The following THBS4 variants were observed in gnomAD, a reference collection of about 807,000 sequenced individuals.
THBS4 encodes thrombospondin 4, also known as thrombospondin-4.
THBS4 carries 90 observed loss-of-function variants against 115.7 expected under a neutral mutation model. That is an observed-to-expected ratio of 0.78 (90% confidence interval 0.66 to 0.93). The LOEUF (loss-of-function observed/expected upper bound fraction) is 0.93, where lower values mean the gene tolerates loss of function less well. Among genes scored for constraint, THBS4 ranks in the 40% least tolerant of loss-of-function variants. THBS4 has a pLI of 0.00. For synonymous variants in THBS4, 460 were observed against 479.3 expected (o/e 0.96, Z 0.53); for missense variants, 1,087 against 1,232.7 (o/e 0.88, Z 1.77).
chr5:80,066,098 A>AAG (rs1245387644), intron 9 of THBS4, among the ~76,000 whole-genome samples: 2 of 151,254 alleles, frequency 1.3e-5, no homozygotes, highest in African/African-American at 4.8e-5. Context: ...CCCTCTCAAA[A>AAG]AAAAAAAAAA....
chr5:80,058,213 T>G lies in THBS4; in HGVS notation c.548T>G (p.Leu183Trp). Residue 183 changes from leucine to tryptophan, a missense_variant, in exon 4 of 22, where the codon TTG (leucine) becomes TGG (tryptophan). By Grantham distance (61) the Leu-to-Trp change is moderately conservative. This residue lies in a region of THBS4 where 979 missense variants were observed against 1,103.7 expected (regional missense o/e 0.89). Coordinates refer to ENST00000350881, the MANE Select transcript of THBS4 (RefSeq NM_003248.6). ...GAATGTGATTTCTTCCAGGACTTCT[T>G]GGAAGAGCTGAAGCTGGTGGTGAGA... is the stretch of plus-strand genomic sequence containing the variant. Reference protein sequence around the residue: ...RTFQRKPQDFLEELKLVVRGS... With the variant: ...RTFQRKPQDFWEELKLVVRGS... The G allele has an allele frequency of 6.4e-7, 1 of 1,572,078 alleles. No individual in the cohort carries two copies. The highest frequency in any genetic ancestry group is 8.6e-7 in the Non-Finnish European group (1 of 1,157,028).
At chr5:80,003,859 A>G (rs564737814) in intron 2 of THBS4, among the ~76,000 whole-genome samples, 1 of 152,288 alleles carries the variant, frequency 6.6e-6, no homozygotes, top group Non-Finnish European at 1.5e-5. Context: ...GCTTGTTGAG[A>G]GGTTCTGGAG....
intron 14 of THBS4, 107 bp from the exon 15 acceptor site, chr5:80,073,168 G>C: frequency 8.3e-7 from 1 of 1,200,424 alleles, no homozygotes; most frequent in Non-Finnish European, 1.2e-6. Flanking sequence ...CCCGGTTCCA[G>C]AGAAATAATT....
chr5:79,993,927 TAAG>T (rs758333351), intron 1 of THBS4, among the ~76,000 whole-genome samples: 84 of 152,322 alleles, frequency 5.5e-4, no homozygotes, highest in Non-Finnish European at 1.0e-3. Flanking sequence ...ATAAAATCCT[TAAG>T]GAGGGGAAAG....
chr5:80,063,100 GA>G (rs1833696349), intron 8 of THBS4, among the ~76,000 whole-genome samples: 2 of 152,208 alleles, frequency 1.3e-5, no homozygotes, highest in Non-Finnish European at 2.9e-5. Flanking sequence ...GATCCTTGAG[GA>G]ATCGCCACAC....
chr5:80,020,816 T>C (rs908110324), intron 2 of THBS4, among the ~76,000 whole-genome samples: 2 of 152,138 alleles, frequency 1.3e-5, no homozygotes, highest in Non-Finnish European at 2.9e-5. Context: ...CTACATGGCA[T>C]TACATGGGGC....
At chr5:80,021,009 CAA>C (rs56954453) in intron 2 of THBS4, among the ~76,000 whole-genome samples, 9 of 152,268 alleles carry the variant, frequency 5.9e-5, no homozygotes, top group African/African-American at 2.2e-4. Flanking sequence ...TGAATTAACA[CAA>C]GAGTTCAAGT....
At chr5:80,066,772 C>A (rs754843084) in intron 9 of THBS4, 2 of 152,010 alleles carry the variant, frequency 1.3e-5, no homozygotes, top group African/African-American at 2.4e-5. Flanking sequence ...AATAGATTTG[C>A]GAGATCTTGG....
intron 2 of THBS4, among the ~76,000 whole-genome samples, chr5:80,008,129 A>G (rs190191360): frequency 5.9e-5 from 9 of 152,334 alleles, no homozygotes; most frequent in Admixed American, 3.3e-4. Context: ...ATGATACTTT[A>G]AGGCTGTGTT....
At chr5:80,020,389 G>A (rs1359081226) in intron 2 of THBS4, among the ~76,000 whole-genome samples, 2 of 152,166 alleles carry the variant, frequency 1.3e-5, no homozygotes, top group African/African-American at 4.8e-5. Context: ...CAGGAGAATG[G>A]CATGAACCCG....
Position 80,064,333 on chromosome 5 carries a change from C to T in THBS4, c.1126-1076C>T, listed in dbSNP as rs1293740644. On this transcript the variant is annotated intron_variant, in intron 8 of 21. Transcript: ENST00000350881. ...AGGGCTCTGACTCAAGTCAAAGGCA[C>T]ACCACTCTGTAAAGACATGCCAAAA... Among the ~76,000 whole-genome samples, 13 of 152,312 alleles carry T rather than the reference C, an allele frequency of 8.5e-5. 1 individual carries two copies. The East Asian group carries it at 2.3e-3, about 27-fold the overall frequency.
intron 2 of THBS4, among the ~76,000 whole-genome samples, chr5:80,054,318 CTTTTTTTT>C (rs56296474): frequency 8.1e-6 from 1 of 123,954 alleles, no homozygotes; most frequent in Non-Finnish European, 1.7e-5. Flanking sequence ...CACACCTGGC[CTTTTTTTT>C]TTTTTTTTTT....
chr5:80,067,349 C>T (rs1833867067), intron 9 of THBS4: 1 of 151,544 alleles, frequency 6.6e-6, no homozygotes, highest in Admixed American at 6.6e-5. Flanking sequence ...ATTTTTTAAA[C>T]ATATTGTATA....
intron 9 of THBS4, 110 bp downstream of exon 9, chr5:80,065,587 A>G (rs1029079804): frequency 1.1e-5 from 10 of 934,562 alleles, no homozygotes; most frequent in Non-Finnish European, 1.5e-5. Context: ...GGCATAATAT[A>G]TTTGATTGGC....
Position 80,078,908 on chromosome 5 carries a change from ACT to A in THBS4, c.2266-6_2266-5del, listed in dbSNP as rs530654220. The A allele has an allele frequency of 3.5e-5, 57 of 1,613,004 alleles. No homozygotes were observed. Among genetic ancestry groups the A allele is most frequent in the Non-Finnish European group, 4.4e-5 (52 of 1,179,376 alleles). ...TTCAAGACTGTTCTGAACTCCCTCA[ACT>A]CTCTCTGCAGGGCATGGAGATTGTA... On this transcript the variant is annotated splice_polypyrimidine_tract_variant and intron_variant, in intron 17 of 21. Coordinates refer to ENST00000350881, the MANE Select transcript of THBS4 (RefSeq NM_003248.6).
At chr5:80,000,733 C>T (rs1190399166) in intron 2 of THBS4, among the ~76,000 whole-genome samples, 1 of 152,074 alleles carries the variant, frequency 6.6e-6, no homozygotes, top group African/African-American at 2.4e-5. Context: ...AAATCAAGTC[C>T]AGAGAGGTGT....
chr5:80,077,941 T>A, intron 16 of THBS4, 108 bp from the exon 17 acceptor site: 1 of 934,194 alleles, frequency 1.1e-6, no homozygotes. Flanking sequence ...ATGGCCCTGG[T>A]TGTGGGAGCT....
chr5:79,996,141 A>T (rs1007825876), intron 1 of THBS4, among the ~76,000 whole-genome samples: 1 of 151,846 alleles, frequency 6.6e-6, no homozygotes, highest in Non-Finnish European at 1.5e-5. Context: ...TCACACATAC[A>T]CACAAAAAAA....
intron 21 of THBS4, among the ~76,000 whole-genome samples, 199 bp from the exon 22 acceptor site, chr5:80,082,881 A>G (rs969222119): frequency 5.3e-5 from 8 of 152,248 alleles, no homozygotes; most frequent in Non-Finnish European, 1.2e-4. Context: ...GATTTTCTGC[A>G]CGGCCGGGAA....
Sources: allele counts gnomAD v4.1 joint callset (sites outside exome capture counted in the v4.1 genomes callset), GRCh38; gene constraint gnomAD v4.1.1; regional missense constraint gnomAD v4.1.1; transcripts MANE v1.5; gene names NCBI Gene and HGNC (gene_info 2026-07-23, HGNC 2026-07-21).